The following CHL1 variants were observed in gnomAD, a reference collection of about 807,000 sequenced individuals.
CHL1 encodes neural cell adhesion molecule L1-like protein.
Under a neutral mutation model 141.9 loss-of-function variants are expected in CHL1, and 96 were observed. The observed-to-expected ratio is 0.68, with a 90% CI of 0.57 to 0.80. CHL1 has a LOEUF of 0.80. Ranked by LOEUF, CHL1 falls within the 30% of genes least tolerant of loss-of-function variation. The pLI is 0.00. For missense variants in CHL1, 1,820 were observed against 1,457.2 expected, an observed-to-expected ratio of 1.25 and a Z score of -4.05; for synonymous variants, 613 against 502.2, an observed-to-expected ratio of 1.22 and a Z score of -2.95.
intron 5 of CHL1, among the ~76,000 whole-genome samples, chr3:337,171 C>G (rs1209538392): frequency 6.7e-6 from 1 of 148,320 alleles, no homozygotes; most frequent in African/African-American, 2.5e-5. Context: ...AATGGGATTT[C>G]CAAACATTCT....
intron 27 of CHL1, among the ~76,000 whole-genome samples, chr3:404,002 C>A (rs1709343021): frequency 6.6e-6 from 1 of 152,168 alleles, no homozygotes; most frequent in Non-Finnish European, 1.5e-5. Flanking sequence ...TCGTATCAGT[C>A]AGGGGAGCCT....
chr3:318,277 T>C (rs1700294156), intron 2 of CHL1, among the ~76,000 whole-genome samples: 2 of 151,904 alleles, frequency 1.3e-5, no homozygotes, highest in South Asian at 4.1e-4. Context: ...TAAGATGCAA[T>C]TTAAAGTGAA....
chr3:385,017 G>A (rs1201071682), intron 19 of CHL1, among the ~76,000 whole-genome samples: 1 of 151,958 alleles, frequency 6.6e-6, no homozygotes, highest in Non-Finnish European at 1.5e-5. Context: ...TTTTAAAATG[G>A]TAATACATAG....
At chr3:268,403 T>G (rs1695343534) in intron 2 of CHL1, among the ~76,000 whole-genome samples, 1 of 151,922 alleles carries the variant, frequency 6.6e-6, no homozygotes, top group South Asian at 2.1e-4. Context: ...GGCACAGTGG[T>G]GGGCACCTGT....
chr3:211,813 T>A (rs144351896), intron 1 of CHL1, among the ~76,000 whole-genome samples: 175 of 152,346 alleles, frequency 1.1e-3, no homozygotes, highest in African/African-American at 3.8e-3. Flanking sequence ...TATAAATTGC[T>A]TTTGAATGAA....
At chr3:393,544 C>T (rs950036982) in intron 23 of CHL1, among the ~76,000 whole-genome samples, 1 of 151,834 alleles carries the variant, frequency 6.6e-6, no homozygotes, top group Non-Finnish European at 1.5e-5. Flanking sequence ...TATTGAACTG[C>T]TTGATATGTG....
intron 5 of CHL1, among the ~76,000 whole-genome samples, chr3:339,262 C>A (rs1217614923): frequency 6.6e-6 from 1 of 152,138 alleles, no homozygotes; most frequent in Non-Finnish European, 1.5e-5. Flanking sequence ...ATAAGGTGTA[C>A]TTTCTGCAAA....
intron 1 of CHL1, among the ~76,000 whole-genome samples, chr3:218,761 G>A (rs1466426410): frequency 6.6e-6 from 1 of 152,046 alleles, no homozygotes; most frequent in Non-Finnish European, 1.5e-5. Context: ...CAACAGAAAG[G>A]AAAAATGGGC....
intron 3 of CHL1, 68 bp downstream of exon 3, chr3:319,935 A>ACTT: frequency 1.2e-6 from 1 of 853,360 alleles, no homozygotes; most frequent in East Asian, 2.6e-5. Flanking sequence ...TAAGTAGAAT[A>ACTT]CTTATGGATT....
intron 1 of CHL1, among the ~76,000 whole-genome samples, chr3:203,938 G>A (rs944159701): frequency 6.6e-6 from 1 of 152,234 alleles, no homozygotes; most frequent in Non-Finnish European, 1.5e-5. Flanking sequence ...TGGAACGTGA[G>A]TAGTGGGGAA....
At chr3:394,500 G>A (rs545237368) in intron 23 of CHL1, among the ~76,000 whole-genome samples, 193 bp from the exon 24 acceptor site, 1 of 152,206 alleles carries the variant, frequency 6.6e-6, no homozygotes, top group Admixed American at 6.5e-5. Flanking sequence ...GCTTATTCTT[G>A]CGAGACCTCA....
intron 2 of CHL1, among the ~76,000 whole-genome samples, chr3:311,720 G>A (rs190020977): frequency 6.6e-6 from 1 of 152,316 alleles, no homozygotes; most frequent in Non-Finnish European, 1.5e-5. Context: ...CTTAAGAAAT[G>A]TGAAAAGTGG....
intron 2 of CHL1, among the ~76,000 whole-genome samples, chr3:275,310 A>G (rs1371641789): frequency 6.6e-6 from 1 of 152,132 alleles, no homozygotes; most frequent in Non-Finnish European, 1.5e-5. Flanking sequence ...CTTCATATTC[A>G]CTGGTCAGAT....
At chr3:286,858 G>C (rs970982008) in intron 2 of CHL1, among the ~76,000 whole-genome samples, 2 of 152,090 alleles carry the variant, frequency 1.3e-5, no homozygotes, top group African/African-American at 2.4e-5. Flanking sequence ...TTTGTAAACT[G>C]TCATGGCACT....
chr3:281,119 A>C lies in CHL1; in HGVS notation c.-95+36427A>C, dbSNP rs564695356. ...GGGTAGAGACCAGTGATTCTCCTAA[A>C]TTCTCCTACAACACCCAGCATATCT... On this transcript the variant is annotated intron_variant, in intron 2 of 27. Coordinates refer to ENST00000256509, the MANE Select transcript of CHL1 (RefSeq NM_006614.4). Among the ~76,000 whole-genome samples the C allele has an allele frequency of 2.6e-5, 4 of 152,226 alleles. No individual in the cohort carries two copies. In the South Asian group the frequency reaches 8.3e-4, roughly 32 times the overall value.
At chr3:290,655 A>G (rs1404609472) in intron 2 of CHL1, among the ~76,000 whole-genome samples, 1 of 152,204 alleles carries the variant, frequency 6.6e-6, no homozygotes, top group Non-Finnish European at 1.5e-5. Context: ...TACAGTAGGC[A>G]TTCAGTTAAT....
At chr3:391,913 G>T (rs1038974275) in intron 23 of CHL1, 116 bp downstream of exon 23, 3 of 786,572 alleles carry the variant, frequency 3.8e-6, no homozygotes, top group Non-Finnish European at 5.7e-6. Context: ...GTAAGCTGCC[G>T]TTCTTCCTTG....
At chr3:305,647 A>T (rs894604553) in intron 2 of CHL1, among the ~76,000 whole-genome samples, 1 of 151,422 alleles carries the variant, frequency 6.6e-6, no homozygotes, top group African/African-American at 2.4e-5. Flanking sequence ...TAATAGATAT[A>T]TCATTTATAT....
chr3:229,332 C>T (rs947964500), intron 1 of CHL1, among the ~76,000 whole-genome samples: 2 of 152,152 alleles, frequency 1.3e-5, no homozygotes, highest in Non-Finnish European at 2.9e-5. Flanking sequence ...ATGGCATTCA[C>T]AGAAGGTTCT....
Sources: gnomAD v4.1 joint callset for allele counts (sites outside exome capture counted in the v4.1 genomes callset) on GRCh38, gnomAD v4.1.1 for gene constraint, MANE v1.5 for transcripts, NCBI Gene and HGNC (gene_info 2026-07-23, HGNC 2026-07-21) for gene names.